Variants in TSHZ2 observed in about 807,000 individuals in gnomAD.
The protein encoded by TSHZ2 is teashirt homolog 2.
In TSHZ2, 21 loss-of-function variants were observed where a neutral mutation model predicts 74.4. The ratio of observed to expected loss-of-function variants is 0.28; its 90% confidence interval spans 0.20 to 0.41. The LOEUF is 0.41. Among genes scored for constraint, TSHZ2 ranks in the 10% least tolerant of loss-of-function variants. TSHZ2 has a pLI of 1.00. For synonymous variants in TSHZ2, 540 were observed against 515.3 expected (o/e 1.05, Z -0.65); for missense variants, 1,244 against 1,293.5 (o/e 0.96, Z 0.59).
chr20:53,151,218 T>C (rs765649824), intron 1 of TSHZ2, among the ~76,000 whole-genome samples: 1 of 152,174 alleles, frequency 6.6e-6, no homozygotes, highest in African/African-American at 2.4e-5. Flanking sequence ...AACAAGCCCA[T>C]CCCTATTAAG....
chr20:53,377,041 C>T (rs1288371551), intron 2 of TSHZ2, among the ~76,000 whole-genome samples: 1 of 152,142 alleles, frequency 6.6e-6, no homozygotes, highest in Non-Finnish European at 1.5e-5. Context: ...CTCACAGAAT[C>T]GTGGTGTACT....
chr20:53,088,643 T>A (rs1479515541), intron 1 of TSHZ2, among the ~76,000 whole-genome samples: 1 of 152,194 alleles, frequency 6.6e-6, no homozygotes, highest in Non-Finnish European at 1.5e-5. Flanking sequence ...AAATGGAGAT[T>A]TGATGGCTTT....
intron 2 of TSHZ2, among the ~76,000 whole-genome samples, chr20:53,436,183 C>T (rs1322170545): frequency 6.6e-6 from 1 of 152,186 alleles, no homozygotes; most frequent in Non-Finnish European, 1.5e-5. Flanking sequence ...TATCTGGCAA[C>T]ACCTGGTGAC....
chr20:53,123,398 G>A (rs941034897), intron 1 of TSHZ2, among the ~76,000 whole-genome samples: 8 of 152,098 alleles, frequency 5.3e-5, no homozygotes, highest in African/African-American at 1.9e-4. Context: ...CTGCTTGTCT[G>A]GACTGGACTC....
intron 1 of TSHZ2, among the ~76,000 whole-genome samples, chr20:53,012,128 T>G (rs1318521752): frequency 6.6e-6 from 1 of 152,172 alleles, no homozygotes; most frequent in Non-Finnish European, 1.5e-5. Context: ...TATACTTCAA[T>G]GTACAATATT....
At chr20:53,194,068 G>A (rs1177771126) in intron 1 of TSHZ2, among the ~76,000 whole-genome samples, 1 of 152,236 alleles carries the variant, frequency 6.6e-6, no homozygotes, top group Non-Finnish European at 1.5e-5. Context: ...GGAAAACACA[G>A]TCTGTTGGAT....
intron 2 of TSHZ2, among the ~76,000 whole-genome samples, chr20:53,335,090 G>C (rs1475612230): frequency 6.6e-6 from 1 of 152,222 alleles, no homozygotes; most frequent in African/African-American, 2.4e-5. Flanking sequence ...GGTGAGAGAC[G>C]ACCATGCCTT....
chr20:53,313,306 T>C (rs1020855407), intron 2 of TSHZ2, among the ~76,000 whole-genome samples: 1 of 152,248 alleles, frequency 6.6e-6, no homozygotes, highest in African/African-American at 2.4e-5. Context: ...CCATTTTGCA[T>C]GGGAATATTT....
At chr20:53,185,959 C>T (rs1988586975) in intron 1 of TSHZ2, among the ~76,000 whole-genome samples, 1 of 152,218 alleles carries the variant, frequency 6.6e-6, no homozygotes, top group South Asian at 2.1e-4. Context: ...GTGAATGGTG[C>T]CATCTTGGGA....
intron 1 of TSHZ2, among the ~76,000 whole-genome samples, chr20:53,243,103 T>A (rs1372848826): frequency 6.6e-6 from 1 of 151,912 alleles, no homozygotes; most frequent in Admixed American, 6.6e-5. Flanking sequence ...AGATGACCCA[T>A]CCGACGAAAG....
chr20:53,305,569 C>G (rs6068503), intron 2 of TSHZ2, among the ~76,000 whole-genome samples: 21,781 of 152,222 alleles, frequency 0.14, 2,286 homozygotes, highest in African/African-American at 0.29. Flanking sequence ...ATTTCCTGCT[C>G]CAATGAGTTT....
intron 2 of TSHZ2, among the ~76,000 whole-genome samples, chr20:53,458,334 A>G (rs1320466493): frequency 4.6e-5 from 7 of 151,810 alleles, no homozygotes; most frequent in Admixed American, 4.6e-4. Flanking sequence ...TAGATTTTCT[A>G]GTTTATTTGT....
chr20:53,012,159 G>T (rs1369296554), intron 1 of TSHZ2, among the ~76,000 whole-genome samples: 2 of 152,138 alleles, frequency 1.3e-5, no homozygotes, highest in Admixed American at 6.5e-5. Context: ...CAGCCCTATT[G>T]TGAATCAGTG....
chr20:53,100,367 G>A (rs1015475448), intron 1 of TSHZ2, among the ~76,000 whole-genome samples: 5 of 152,100 alleles, frequency 3.3e-5, no homozygotes, highest in South Asian at 2.1e-4. Context: ...TAAACCCCTC[G>A]TTGGCTGTGG....
At chr20:53,313,357 A>G (rs1229747538) in intron 2 of TSHZ2, among the ~76,000 whole-genome samples, 2 of 152,260 alleles carry the variant, frequency 1.3e-5, no homozygotes, top group Non-Finnish European at 2.9e-5. Flanking sequence ...CTTAAATAGA[A>G]TATGAGAAAC....
intron 2 of TSHZ2, among the ~76,000 whole-genome samples, chr20:53,470,817 AAAAT>A (rs950670639): frequency 5.5e-5 from 8 of 144,530 alleles, no homozygotes; most frequent in Non-Finnish European, 7.6e-5. Flanking sequence ...CATCTCAAAA[AAAAT>A]AAATAAATAA....
intron 1 of TSHZ2, among the ~76,000 whole-genome samples, chr20:53,226,962 G>C (rs762334435): frequency 1.3e-5 from 2 of 152,188 alleles, no homozygotes; most frequent in Admixed American, 1.3e-4. Context: ...GGTTAGAAAA[G>C]TCAGGTGAGT....
chr20:53,321,630 G>A (rs1979268466), intron 2 of TSHZ2, among the ~76,000 whole-genome samples: 1 of 131,748 alleles, frequency 7.6e-6, no homozygotes, highest in Non-Finnish European at 1.5e-5. Flanking sequence ...GTTGTGGTGA[G>A]CAGAGATCAT....
chr20:53,110,349 C>A (rs1168407361), intron 1 of TSHZ2, among the ~76,000 whole-genome samples: 1 of 152,038 alleles, frequency 6.6e-6, no homozygotes. Context: ...TCCAATAAAT[C>A]CCAGACTTTC....
Sources: gnomAD v4.1 joint callset for allele counts (sites outside exome capture counted in the v4.1 genomes callset) on GRCh38, gnomAD v4.1.1 for gene constraint, MANE v1.5 for transcripts, NCBI Gene and HGNC (gene_info 2026-07-23, HGNC 2026-07-21) for gene names.